Variants in TANC2 observed in about 807,000 individuals in gnomAD.
The protein encoded by TANC2 is tetratricopeptide repeat, ankyrin repeat and coiled-coil containing 2.
A neutral mutation model predicts 210.5 loss-of-function variants in TANC2; 26 were observed. The ratio of observed to expected loss-of-function variants is 0.12; its 90% CI spans 0.09 to 0.17. The LOEUF is 0.17. Ranked by LOEUF, TANC2 falls within the 10% of genes least tolerant of loss-of-function variation. TANC2 has a pLI of 1.00. For synonymous variants in TANC2, 931 were observed against 967.1 expected, an observed-to-expected ratio of 0.96 and a Z score of 0.69; for missense variants, 2,129 against 2,608.9, an observed-to-expected ratio of 0.82 and a Z score of 4.01.
exon 6 of TANC2, chr17:63,194,030 A>G: frequency 6.2e-7 from 1 of 1,613,266 alleles, no homozygotes; most frequent in South Asian, 1.1e-5. Context: ...CCATCTGTAG[A>G]TGAGGCAGCA....
At chr17:62,986,188 G>T (rs556692492) in intron 1 of TANC2, among the ~76,000 whole-genome samples, 2 of 152,182 alleles carry the variant, frequency 1.3e-5, no homozygotes, top group Non-Finnish European at 2.9e-5. Flanking sequence ...GGCAGTAGTG[G>T]TGTGGCTTTG....
chr17:62,967,426 A>G (rs533910975), intron 1 of TANC2: 3 of 152,264 alleles, frequency 2.0e-5, no homozygotes, highest in South Asian at 2.1e-4. Context: ...CATTGGTACA[A>G]TTGTATCCAG....
chr17:63,012,135 G>A (rs1051788726), intron 2 of TANC2, among the ~76,000 whole-genome samples: 2 of 150,942 alleles, frequency 1.3e-5, no homozygotes, highest in Non-Finnish European at 2.9e-5. Flanking sequence ...TCCCACCTCA[G>A]CCTCCTGAGT....
chr17:63,395,144 A>G (rs1182722800), intron 17 of TANC2, among the ~76,000 whole-genome samples: 1 of 152,230 alleles, frequency 6.6e-6, no homozygotes, highest in East Asian at 1.9e-4. Flanking sequence ...ACTTGTAACC[A>G]ACACTGAAAT....
chr17:63,312,048 C>A (rs1301430848), intron 9 of TANC2, among the ~76,000 whole-genome samples: 1 of 152,034 alleles, frequency 6.6e-6, no homozygotes, highest in Non-Finnish European at 1.5e-5. Context: ...TACTAAAAAC[C>A]ACTGAATTGT....
At chr17:63,064,148 T>C (rs1470780739) in intron 2 of TANC2, among the ~76,000 whole-genome samples, 1 of 152,160 alleles carries the variant, frequency 6.6e-6, no homozygotes. Context: ...ATAAGAATTA[T>C]AGTCTTTATA....
exon 28 of TANC2, chr17:63,426,754 C>G (rs1399559828): frequency 6.6e-6 from 1 of 152,266 alleles, no homozygotes; most frequent in Non-Finnish European, 1.5e-5. Context: ...GCCAGCGCCG[C>G]GCTCATTTTT....
Position 63,421,086 on chromosome 17 carries a change from T to G in TANC2, c.5356T>G (p.Ser1786Ala). ...CAAAGAGGATCTTCCACAGCGACCTTCCTCAGCATACCGAGGTGGCGTGAG... is the reference window on the plus strand; with the variant it reads ...CAAAGAGGATCTTCCACAGCGACCTGCCTCAGCATACCGAGGTGGCGTGAG... The change falls in exon 28 of 28, where the codon TCC becomes GCC. Residue 1786 changes from serine to alanine, a missense_variant. By Grantham distance (99) the Ser-to-Ala change is moderately conservative. Coordinates refer to ENST00000689528, the Ensembl canonical transcript of TANC2. This position sits in a 1 kb window ranked among gnomAD's most constrained non-coding sequence, Gnocchi z 6.9. 10 of 1,613,938 alleles carry G rather than the reference T, an allele frequency of 6.2e-6. No individual in the cohort carries two copies. Among genetic ancestry groups the G allele is most frequent in the Non-Finnish European group, 8.5e-6 (10 of 1,179,868 alleles).
chr17:63,385,043 C>A (rs768510542), intron 15 of TANC2, among the ~76,000 whole-genome samples: 1 of 152,046 alleles, frequency 6.6e-6, no homozygotes, highest in Non-Finnish European at 1.5e-5. Flanking sequence ...AGTTGTGTTC[C>A]CTCCTAAATA....
At chr17:63,104,724 T>C (rs977691644) in intron 4 of TANC2, among the ~76,000 whole-genome samples, 1 of 152,206 alleles carries the variant, frequency 6.6e-6, no homozygotes, top group African/African-American at 2.4e-5. Context: ...AGATAACTCT[T>C]ACTCGGAAGT....
intron 9 of TANC2, among the ~76,000 whole-genome samples, chr17:63,287,169 G>T (rs1428164024): frequency 6.6e-6 from 1 of 152,122 alleles, no homozygotes; most frequent in Non-Finnish European, 1.5e-5. Flanking sequence ...CTGACCTCAG[G>T]TGATCTGCCT....
intron 5 of TANC2, among the ~76,000 whole-genome samples, chr17:63,178,907 T>A (rs2040683540): frequency 6.6e-6 from 1 of 152,204 alleles, no homozygotes; most frequent in South Asian, 2.1e-4. Context: ...CTTGGCACAG[T>A]TTTAATCATT....
intron 2 of TANC2, among the ~76,000 whole-genome samples, chr17:63,050,315 C>T (rs372525477): frequency 7.3e-5 from 11 of 151,428 alleles, no homozygotes; most frequent in African/African-American, 2.4e-4. Flanking sequence ...CGTGATCATG[C>T]CCCAGCACTT....
At chr17:63,184,066 G>GA (rs1045570218) in intron 5 of TANC2, among the ~76,000 whole-genome samples, 3 of 151,860 alleles carry the variant, frequency 2.0e-5, no homozygotes, top group East Asian at 1.9e-4. Flanking sequence ...TCCTGAGTGG[G>GA]AAAAAATAGA....
chr17:63,046,105 T>C (rs1394459704), intron 2 of TANC2, among the ~76,000 whole-genome samples: 1 of 152,000 alleles, frequency 6.6e-6, no homozygotes, highest in African/African-American at 2.4e-5. Flanking sequence ...GGGAAAGGAA[T>C]ATTGTTGTTA....
intron 14 of TANC2, among the ~76,000 whole-genome samples, chr17:63,376,020 G>C (rs925017459): frequency 2.0e-5 from 3 of 151,884 alleles, no homozygotes; most frequent in African/African-American, 4.8e-5. Context: ...GTGGGAAGTG[G>C]AGGTTGCAGT....
intron 15 of TANC2, among the ~76,000 whole-genome samples, chr17:63,387,291 C>T (rs2047815716): frequency 6.6e-6 from 1 of 152,188 alleles, no homozygotes; most frequent in East Asian, 1.9e-4. Flanking sequence ...CAGCATTATT[C>T]ACCTTTCAGC....
At chr17:63,425,944 A>T (rs1427499874) in exon 28 of TANC2, 1 of 152,108 alleles carries the variant, frequency 6.6e-6, no homozygotes, top group Non-Finnish European at 1.5e-5. Flanking sequence ...TGATTCAGAG[A>T]GAGTTATTTT....
intron 8 of TANC2, among the ~76,000 whole-genome samples, chr17:63,238,696 G>C (rs2042689825): frequency 1.3e-5 from 2 of 152,142 alleles, no homozygotes; most frequent in Admixed American, 1.3e-4. Flanking sequence ...CTGCTATAAA[G>C]ATACTACCTG....
Sources: allele counts gnomAD v4.1 joint callset (sites outside exome capture counted in the v4.1 genomes callset), GRCh38; gene constraint gnomAD v4.1.1; non-coding constraint Gnocchi (gnomAD v3.1); transcripts MANE v1.5; gene names NCBI Gene and HGNC (gene_info 2026-07-23, HGNC 2026-07-21).